The following TENM3 variants were observed in gnomAD, a reference collection of about 807,000 sequenced individuals.
TENM3 encodes teneurin transmembrane protein 3, also known as teneurin-3.
In TENM3, 63 loss-of-function variants were observed where a neutral mutation model predicts 255.1. The observed-to-expected ratio is 0.25, with a 90% CI of 0.20 to 0.30. TENM3 has a LOEUF of 0.30. Among genes scored for constraint, TENM3 ranks in the 10% least tolerant of loss-of-function variants. TENM3 has a pLI of 1.00. For synonymous variants in TENM3, 1,306 were observed against 1,322.3 expected, an observed-to-expected ratio of 0.99 and a Z score of 0.27; for missense variants, 2,929 against 3,461.1, an observed-to-expected ratio of 0.85 and a Z score of 3.86.
At chr4:182,759,652 A>C (rs1227786310) in intron 22 of TENM3, among the ~76,000 whole-genome samples, 1 of 152,220 alleles carries the variant, frequency 6.6e-6, no homozygotes, top group Non-Finnish European at 1.5e-5. Flanking sequence ...TAAACACAGA[A>C]AACTTTTCCC....
chr4:182,498,530 C>CT (rs1736017479), intron 3 of TENM3, among the ~76,000 whole-genome samples: 1 of 151,824 alleles, frequency 6.6e-6, no homozygotes, highest in Non-Finnish European at 1.5e-5. Flanking sequence ...CAGTGGCTTC[C>CT]TATGTACCCT....
chr4:181,856,769 T>C, the TENM3 span, among the ~76,000 whole-genome samples: 13 of 152,166 alleles, frequency 8.5e-5, no homozygotes, highest in Non-Finnish European at 1.5e-5. Flanking sequence ...TTATCTTGAA[T>C]CCCTAGCTTC....
the TENM3 span, among the ~76,000 whole-genome samples, chr4:181,984,582 G>C: frequency 6.6e-6 from 1 of 151,386 alleles, no homozygotes; most frequent in South Asian, 2.1e-4. Flanking sequence ...GAAAAAAAAA[G>C]CCTTTTGCAA....
chr4:182,495,871 T>G (rs1735727374), intron 3 of TENM3, among the ~76,000 whole-genome samples: 1 of 152,206 alleles, frequency 6.6e-6, no homozygotes, highest in African/African-American at 2.4e-5. Flanking sequence ...ATCCCGTCCC[T>G]AATTACATTA....
At chr4:182,357,670 CTG>C (rs1234888038) in intron 3 of TENM3, among the ~76,000 whole-genome samples, 1 of 150,816 alleles carries the variant, frequency 6.6e-6, no homozygotes. Context: ...TGTGGGTTGC[CTG>C]TTCACTCTGA....
chr4:181,622,743 C>A, the TENM3 span, among the ~76,000 whole-genome samples: 9 of 152,106 alleles, frequency 5.9e-5, no homozygotes, highest in African/African-American at 2.2e-4. Flanking sequence ...TGAAATAGAA[C>A]AAGCCCTGAG....
the TENM3 span, among the ~76,000 whole-genome samples, chr4:181,802,528 T>C: frequency 6.6e-6 from 1 of 152,324 alleles, no homozygotes; most frequent in African/African-American, 2.4e-5. Flanking sequence ...TTTAAATAAC[T>C]AGTTTGTAGT....
chr4:182,497,083 C>G (rs374122567), intron 3 of TENM3, among the ~76,000 whole-genome samples: 183 of 150,422 alleles, frequency 1.2e-3, no homozygotes, highest in Admixed American at 4.2e-3. Flanking sequence ...GAGACGGAGT[C>G]TTGCTCTGTC....
the TENM3 span, among the ~76,000 whole-genome samples, chr4:181,805,925 C>G: frequency 6.6e-6 from 1 of 152,156 alleles, no homozygotes; most frequent in Non-Finnish European, 1.5e-5. Context: ...CTTCTCATCT[C>G]TTTCCCCGTA....
the TENM3 span, among the ~76,000 whole-genome samples, chr4:181,952,599 C>T: frequency 6.6e-6 from 1 of 152,230 alleles, no homozygotes; most frequent in African/African-American, 2.4e-5. Flanking sequence ...GCCCATCCCA[C>T]GAACAACTCA....
intron 3 of TENM3, among the ~76,000 whole-genome samples, chr4:182,593,659 C>G (rs1746894199): frequency 6.6e-6 from 1 of 152,142 alleles, no homozygotes; most frequent in South Asian, 2.1e-4. Flanking sequence ...GGAGTCGCTG[C>G]AGTGACACCT....
intron 3 of TENM3, among the ~76,000 whole-genome samples, chr4:182,480,840 T>C (rs747830415): frequency 6.6e-6 from 1 of 152,174 alleles, no homozygotes; most frequent in African/African-American, 2.4e-5. Flanking sequence ...GGTTTTATTA[T>C]GTCAAATCTG....
intron 3 of TENM3, among the ~76,000 whole-genome samples, chr4:182,485,712 T>C (rs1396085225): frequency 1.3e-5 from 2 of 152,262 alleles, no homozygotes; most frequent in East Asian, 3.9e-4. Context: ...AAACCAGTAT[T>C]TCGGTAATAT....
the TENM3 span, among the ~76,000 whole-genome samples, chr4:181,995,509 C>T: frequency 2.6e-5 from 4 of 152,026 alleles, no homozygotes; most frequent in African/African-American, 4.8e-5. Context: ...AAATGGCAAT[C>T]AGGTTGTATT....
At chr4:182,426,118 G>T (rs557900522) in intron 3 of TENM3, among the ~76,000 whole-genome samples, 1 of 151,782 alleles carries the variant, frequency 6.6e-6, no homozygotes, top group Admixed American at 6.6e-5. Context: ...TAACTTGTTT[G>T]GGAGTAAATG....
the TENM3 span, among the ~76,000 whole-genome samples, chr4:181,607,295 A>G: frequency 1.3e-5 from 2 of 152,226 alleles, no homozygotes; most frequent in Non-Finnish European, 2.9e-5. Flanking sequence ...AGTCTATGTC[A>G]GTGCTGACTA....
At chr4:181,646,419 A>T in the TENM3 span, among the ~76,000 whole-genome samples, 1 of 152,132 alleles carries the variant, frequency 6.6e-6, no homozygotes, top group Non-Finnish European at 1.5e-5. Context: ...AAACAAGAGG[A>T]AGGTGTTTTG....
chr4:182,546,593 G>C lies in TENM3; in HGVS notation c.512-54331G>C, dbSNP rs1010861494. Among the ~76,000 whole-genome samples, 6 of 151,642 alleles carry C rather than the reference G, an allele frequency of 4.0e-5. No homozygotes were observed. In the East Asian group the frequency reaches 7.7e-4, roughly 19 times the overall value. ...TGGGAGTACAGGCATGAGCCACTGT[G>C]CCTGGCTGACATTTATCTTTTTATC... On this transcript the variant is annotated intron_variant, in intron 3 of 27. Coordinates refer to ENST00000511685, the MANE Select transcript of TENM3 (RefSeq NM_001080477.4).
chr4:181,783,004 G>C, the TENM3 span, among the ~76,000 whole-genome samples: 5 of 152,146 alleles, frequency 3.3e-5, no homozygotes, highest in African/African-American at 1.2e-4. Flanking sequence ...CATAATTTCT[G>C]TTCTTTTACA....
Sources: gnomAD v4.1 joint callset for allele counts (sites outside exome capture counted in the v4.1 genomes callset) on GRCh38, gnomAD v4.1.1 for gene constraint, MANE v1.5 for transcripts, NCBI Gene and HGNC (gene_info 2026-07-23, HGNC 2026-07-21) for gene names.